Variants in L3MBTL2 observed in about 807,000 individuals in gnomAD.
L3MBTL2 encodes the protein L3MBTL histone methyl-lysine binding protein 2, also known as lethal(3)malignant brain tumor-like protein 2.
Under a neutral mutation model 86.4 loss-of-function variants are expected in L3MBTL2, and 49 were observed. That is an observed-to-expected ratio of 0.57 (90% CI 0.45 to 0.72). The LOEUF (loss-of-function observed/expected upper bound fraction) is 0.72. Among genes scored for constraint, L3MBTL2 ranks in the 30% least tolerant of loss-of-function variants. The pLI is 0.00. For synonymous variants in L3MBTL2, 336 were observed against 350.6 expected (o/e 0.96, Z 0.47); for missense variants, 755 against 923.7 (o/e 0.82, Z 2.37).
rs150620729 is a variant in L3MBTL2, at chr22:41,220,801, G to T, written c.786G>T (p.Leu262=). Reference sequence around the variant, plus strand: ...CCAGCCATGACTTCTGGTGCAACCTGGGAACAGTGGATGTCCACCCCATTG... The same window carrying T: ...CCAGCCATGACTTCTGGTGCAACCTTGGAACAGTGGATGTCCACCCCATTG... The part of the protein sequence containing the change: ...NDASHDFWCN[L]GTVDVHPIGW... The change falls in exon 7 of 17, where the codon CTG becomes CTT. Residue 262 remains leucine, a synonymous_variant. Transcript: ENST00000216237. 2.8e-5 allele frequency: 45 copies of T among 1,614,064 alleles called. No individual in the cohort carries two copies. The African/African-American group carries it at 5.6e-4, about 20-fold the overall frequency.
intron 2 of L3MBTL2, among the ~76,000 whole-genome samples, chr22:41,212,396 C>CTTT (rs10553071): frequency 7.9e-6 from 1 of 125,822 alleles, no homozygotes; most frequent in Non-Finnish European, 1.6e-5. Flanking sequence ...TAGGTTCAGG[C>CTTT]TTTTTTTTTT....
intron 7 of L3MBTL2, 44 bp downstream of exon 7, chr22:41,220,912 CT>C (rs781363748): frequency 1.3e-6 from 2 of 1,590,214 alleles, no homozygotes; most frequent in Non-Finnish European, 1.7e-6. Flanking sequence ...CGTAGGGCCC[CT>C]GGTAGAGGGA....
At chr22:41,220,529 T>C (rs1286715067) in intron 6 of L3MBTL2, among the ~76,000 whole-genome samples, 1 of 151,212 alleles carries the variant, frequency 6.6e-6, no homozygotes, top group Non-Finnish European at 1.5e-5. Flanking sequence ...CTATTTAAAA[T>C]ACAAAAAAAA....
intron 2 of L3MBTL2, 68 bp downstream of exon 2, chr22:41,210,001 A>G: frequency 6.3e-7 from 1 of 1,574,892 alleles, no homozygotes; most frequent in Non-Finnish European, 8.6e-7. Context: ...GGGGGTGGAT[A>G]TAGGCTATAT....
At chr22:41,215,722 G>GCCTATGTGGGCCCTCTCCCGAACATTCA (rs2031297296) in intron 3 of L3MBTL2, among the ~76,000 whole-genome samples, 2 of 151,950 alleles carry the variant, frequency 1.3e-5, no homozygotes, top group African/African-American at 4.8e-5. Context: ...CCGAACATTC[G>GCCTATGTGGGCCCTCTCCCGAACATTCA]CCTATGTGGA....
At chr22:41,209,445 A>G (rs2030533335) in intron 1 of L3MBTL2, 1 of 438,584 alleles carries the variant, frequency 2.3e-6, no homozygotes, top group African/African-American at 2.0e-5. Context: ...CCATGTTAAA[A>G]TATCATCATT....
chr22:41,212,356 A>G (rs1273681859), intron 2 of L3MBTL2, among the ~76,000 whole-genome samples: 1 of 150,256 alleles, frequency 6.7e-6, no homozygotes, highest in Non-Finnish European at 1.5e-5. Flanking sequence ...AGGTACCAGT[A>G]TCCCGTCACA....
chr22:41,229,877 C>A, intron 16 of L3MBTL2: 1 of 778,582 alleles, frequency 1.3e-6, no homozygotes, highest in Admixed American at 2.1e-5. Flanking sequence ...GGCCCCTCCT[C>A]CTCCTCCATC....
chr22:41,229,332 G>A (rs575299321), intron 15 of L3MBTL2, among the ~76,000 whole-genome samples: 4 of 152,286 alleles, frequency 2.6e-5, no homozygotes, highest in African/African-American at 9.6e-5. Flanking sequence ...TTTGAGGGAG[G>A]TGGTGGTATT....
Position 41,230,280 on chromosome 22 carries a change from C to G in L3MBTL2, c.*29C>G, listed in dbSNP as rs2032511404. On this transcript the variant is annotated 3_prime_UTR_variant, in exon 17 of 17. Coordinates refer to ENST00000216237, the MANE Select transcript of L3MBTL2 (RefSeq NM_031488.5). The stretch of plus-strand genomic sequence containing the variant: ...TTCCTGCCTCCAGCCTGGCTTCTAG[C>G]TGGAAGCCAGCCCAGCGTTTCTCTA... The G allele has an allele frequency of 6.4e-7, 1 of 1,561,072 alleles. No individual in the cohort carries two copies. The highest frequency in any genetic ancestry group is 8.8e-7 in the Non-Finnish European group (1 of 1,132,654).
rs2030945438 is a variant in L3MBTL2 at position 41,212,372 on chromosome 22, A to G, written c.263-1521A>G. Among the ~76,000 whole-genome samples, 4 of 149,838 alleles carry G rather than the reference A, an allele frequency of 2.7e-5. No individual in the cohort carries two copies. In the South Asian group the frequency reaches 8.5e-4, roughly 32 times the overall value. On this transcript the variant is annotated intron_variant, in intron 2 of 16. Transcript: ENST00000216237. ...GGTACCAGTATCCCGTCACAGACCA[A>G]TTCATTAGAATTTTAGGTTCAGGCT...
chr22:41,205,403 TTA>T lies in L3MBTL2; in HGVS notation c.24+18_24+19del. Reference sequence around the variant, plus strand: ...AGTATTGAGGTGAGAAGGCGAGGACTTAGCGTGACTGGGAAAGGGAACTCCGA... The same window carrying T: ...AGTATTGAGGTGAGAAGGCGAGGACTGCGTGACTGGGAAAGGGAACTCCGA... On this transcript the variant is annotated intron_variant, in intron 1 of 16. Coordinates refer to ENST00000216237, the MANE Select transcript of L3MBTL2 (RefSeq NM_031488.5). The T allele has an allele frequency of 6.2e-7, 1 of 1,614,124 alleles. No homozygotes were observed. The highest frequency in any genetic ancestry group is 8.5e-7 in the Non-Finnish European group (1 of 1,179,966).
chr22:41,216,655 A>T (rs2031389877), intron 4 of L3MBTL2, among the ~76,000 whole-genome samples: 3 of 152,186 alleles, frequency 2.0e-5, no homozygotes, highest in Admixed American at 2.0e-4. Context: ...ATTGCTAAGC[A>T]AGTTAAATGT....
chr22:41,215,412 A>C (rs1397171834), intron 3 of L3MBTL2, among the ~76,000 whole-genome samples: 1 of 152,208 alleles, frequency 6.6e-6, no homozygotes, highest in Non-Finnish European at 1.5e-5. Flanking sequence ...TTAGTAACTT[A>C]CTTAAAGGTA....
chr22:41,229,581 G>C lies in L3MBTL2; in HGVS notation c.1930G>C (p.Gly644Arg). Residue 644 changes from glycine to arginine, a missense_variant, in exon 16 of 17, where the codon GGG becomes CGG. Gly to Arg is a moderately radical substitution (Grantham distance 125). Coordinates refer to ENST00000216237, the MANE Select transcript of L3MBTL2 (RefSeq NM_031488.5). ...PPTKTRPLRQ[G>R]SKKPLLEDDP... is the part of the protein sequence containing the mutation. ...CACTAAGACGCGACCCCTCAGACAG[G>C]GGTCCAAGAAGCCCCTGCTGGAGGA... The C allele has an allele frequency of 1.2e-6, 2 of 1,613,320 alleles. No individual in the cohort carries two copies. Among genetic ancestry groups the C allele is most frequent in the Non-Finnish European group, 1.7e-6 (2 of 1,179,400 alleles).
chr22:41,226,928 C>T (rs2032222216), intron 13 of L3MBTL2, among the ~76,000 whole-genome samples, 161 bp from the exon 14 acceptor site: 1 of 152,242 alleles, frequency 6.6e-6, no homozygotes, highest in Non-Finnish European at 1.5e-5. Flanking sequence ...GAGGGCGGTA[C>T]TGGGAGAGGT....
At chr22:41,212,523 G>A (rs999686717) in intron 2 of L3MBTL2, among the ~76,000 whole-genome samples, 2 of 150,928 alleles carry the variant, frequency 1.3e-5, no homozygotes, top group Non-Finnish European at 3.0e-5. Flanking sequence ...CCAGCCTCCG[G>A]AGTAGCTGGG....
Position 41,219,427 on chromosome 22 carries a change from C to G in L3MBTL2, c.609C>G (p.Leu203=), listed in dbSNP as rs372333988. 5 of 1,606,826 alleles carry G rather than the reference C, an allele frequency of 3.1e-6. No individual in the cohort carries two copies. The African/African-American group carries it at 5.3e-5, about 17-fold the overall frequency. Residue 203 remains leucine, a synonymous_variant, in exon 6 of 17, where the codon CTC becomes CTG. Coordinates refer to ENST00000216237, the MANE Select transcript of L3MBTL2 (RefSeq NM_031488.5). Reference sequence around the variant, plus strand: ...CTCTCATCGCCACACAGGTCCCACTCTATGACCAGTGGGAGGATGTGATGA... The same window carrying G: ...CTCTCATCGCCACACAGGTCCCACTGTATGACCAGTGGGAGGATGTGATGA... ...APVSCFKHVP[L]YDQWEDVMKG...
chr22:41,215,263 G>T (rs2031253739), intron 3 of L3MBTL2, among the ~76,000 whole-genome samples: 1 of 152,110 alleles, frequency 6.6e-6, no homozygotes, highest in Admixed American at 6.5e-5. Context: ...CCTCTCTTCC[G>T]AGAGCTAAGA....
Sources: gnomAD v4.1 joint callset for allele counts (sites outside exome capture counted in the v4.1 genomes callset) on GRCh38, gnomAD v4.1.1 for gene constraint, MANE v1.5 for transcripts, NCBI Gene and HGNC (gene_info 2026-07-23, HGNC 2026-07-21) for gene names.